The following ABTB2 variants were observed in gnomAD, a reference collection of about 807,000 sequenced individuals.
ABTB2 encodes ankyrin repeat and BTB/POZ domain-containing protein 2.
ABTB2 carries 56 observed loss-of-function variants against 104.1 expected under a neutral mutation model. That is an observed-to-expected ratio of 0.54 (90% confidence interval 0.43 to 0.67). The LOEUF (loss-of-function observed/expected upper bound fraction) is 0.67. Among genes scored for constraint, ABTB2 ranks in the 30% least tolerant of loss-of-function variants. The probability of loss-of-function intolerance (pLI) is 0.00; values close to 1 mark genes in which losing one functional copy is unlikely to be tolerated. For synonymous variants in ABTB2, 606 were observed against 608.2 expected (o/e 1.00, Z 0.05); for missense variants, 1,279 against 1,407.7 (o/e 0.91, Z 1.46).
intron 1 of ABTB2, among the ~76,000 whole-genome samples, chr11:34,316,765 A>G (rs1854936157): frequency 6.6e-6 from 1 of 152,204 alleles, no homozygotes. Context: ...GTTTCCAAGA[A>G]TAAATAAAGC....
At chr11:34,300,910 TTA>T (rs1310031112) in intron 1 of ABTB2, among the ~76,000 whole-genome samples, 1 of 152,218 alleles carries the variant, frequency 6.6e-6, no homozygotes, top group Non-Finnish European at 1.5e-5. Flanking sequence ...TTAACCTTAC[TTA>T]TACATCCATC....
intron 1 of ABTB2, among the ~76,000 whole-genome samples, chr11:34,283,447 C>G (rs1854471394): frequency 6.6e-6 from 1 of 152,128 alleles, no homozygotes; most frequent in South Asian, 2.1e-4. Flanking sequence ...AACTCCTGAC[C>G]TCAAGTGATC....
At chr11:34,307,117 C>A (rs1854787040) in intron 1 of ABTB2, among the ~76,000 whole-genome samples, 1 of 152,058 alleles carries the variant, frequency 6.6e-6, no homozygotes, top group Admixed American at 6.5e-5. Context: ...TCCTGGTATC[C>A]TAAGTCATAA....
Position 34,204,693 on chromosome 11 carries a change from A to G in ABTB2, c.884-3T>C, listed in dbSNP as rs1351564098. 3.7e-6 allele frequency: 6 copies of G among 1,611,092 alleles called. No homozygotes were observed. The highest frequency in any genetic ancestry group is 1.1e-5 in the South Asian group (1 of 90,652). On this transcript the variant is annotated splice_region_variant and splice_polypyrimidine_tract_variant and intron_variant, in intron 1 of 16. Transcript: ENST00000435224. ...GTATGCGGGGAGGGAGAGGACACCT[A>G]TGGGGAAAGAAGGCAGACAGGTCAC...
chr11:34,216,473 G>A (rs531269343), intron 1 of ABTB2, among the ~76,000 whole-genome samples: 2 of 152,250 alleles, frequency 1.3e-5, no homozygotes, highest in African/African-American at 2.4e-5. Flanking sequence ...ATTCAAGGCC[G>A]GGTGCAGTGG....
chr11:34,173,507 C>T (rs1003061930), intron 3 of ABTB2, among the ~76,000 whole-genome samples, 200 bp from the exon 4 acceptor site: 3 of 152,128 alleles, frequency 2.0e-5, no homozygotes, highest in African/African-American at 7.2e-5. Flanking sequence ...CCCTTAAGCA[C>T]ACACATGCTC....
chr11:34,223,197 G>T (rs1397517616), intron 1 of ABTB2, among the ~76,000 whole-genome samples: 4 of 152,126 alleles, frequency 2.6e-5, no homozygotes, highest in Admixed American at 6.5e-5. Context: ...GCCGAGGACC[G>T]AGTGGAAACA....
rs1170622255 is a variant in ABTB2 at position 34,190,596 on chromosome 11, T to TC, written c.1244+6728dup. 7.2e-5 allele frequency among the ~76,000 whole-genome samples: 11 copies of TC among 152,306 alleles called. No homozygotes were observed. In the South Asian group the frequency reaches 2.3e-3, roughly 32 times the overall value. Reference sequence around the variant, plus strand: ...AGTCAAGCACTTAAGACAGTATCTGTCTGTGAATGTGTGCTCTATAACGCT... The same window carrying TC: ...AGTCAAGCACTTAAGACAGTATCTGTCCTGTGAATGTGTGCTCTATAACGCT... On this transcript the variant is annotated intron_variant, in intron 3 of 16. Coordinates refer to ENST00000435224, the MANE Select transcript of ABTB2 (RefSeq NM_145804.3).
At chr11:34,242,831 C>A (rs1248394290) in intron 1 of ABTB2, among the ~76,000 whole-genome samples, 1 of 152,176 alleles carries the variant, frequency 6.6e-6, no homozygotes, top group Non-Finnish European at 1.5e-5. Flanking sequence ...AGGACAGGCA[C>A]AGTCCTTGTC....
intron 10 of ABTB2, 97 bp from the exon 11 acceptor site, chr11:34,161,178 C>G (rs1165383608): frequency 2.3e-6 from 3 of 1,314,492 alleles, no homozygotes; most frequent in Non-Finnish European, 3.1e-6. Context: ...TCGGGATGCC[C>G]CCGCTGTCTG....
intron 1 of ABTB2, among the ~76,000 whole-genome samples, chr11:34,263,041 G>A (rs1257305897): frequency 6.6e-6 from 1 of 152,204 alleles, no homozygotes; most frequent in Non-Finnish European, 1.5e-5. Context: ...TCACAGCCCA[G>A]GGCCCTGATG....
chr11:34,198,390 A>T (rs944427355), intron 2 of ABTB2, among the ~76,000 whole-genome samples: 1 of 151,956 alleles, frequency 6.6e-6, no homozygotes, highest in Non-Finnish European at 1.5e-5. Context: ...GTGCCACCAC[A>T]CTCCAGTCTG....
intron 1 of ABTB2, among the ~76,000 whole-genome samples, chr11:34,260,862 T>C (rs771233907): frequency 2.0e-5 from 3 of 152,036 alleles, no homozygotes; most frequent in Non-Finnish European, 4.4e-5. Flanking sequence ...TCCTGTGGGG[T>C]GTATAGCTTT....
chr11:34,285,772 T>C (rs972093125), intron 1 of ABTB2, among the ~76,000 whole-genome samples: 1 of 152,172 alleles, frequency 6.6e-6, no homozygotes, highest in Admixed American at 6.5e-5. Context: ...CTGACTGCTT[T>C]TTGGGAAGAG....
At chr11:34,307,701 G>GT (rs5790983) in intron 1 of ABTB2, among the ~76,000 whole-genome samples, 1,578 of 140,508 alleles carry the variant, frequency 0.011, 13 homozygotes, top group Non-Finnish European at 0.015. Context: ...GTGACTCTCT[G>GT]TTTTTTTTTT....
chr11:34,308,541 T>C (rs975932853), intron 1 of ABTB2, among the ~76,000 whole-genome samples: 1 of 152,114 alleles, frequency 6.6e-6, no homozygotes, highest in Non-Finnish European at 1.5e-5. Context: ...ATCAAGAACA[T>C]AGTCACATCT....
At chr11:34,209,850 GTGGGGGTGAGGGA>G (rs1853459733) in intron 1 of ABTB2, among the ~76,000 whole-genome samples, 1 of 130,442 alleles carries the variant, frequency 7.7e-6, no homozygotes. Flanking sequence ...TGGGGTGGGG[GTGGGGGTGAGGGA>G]TGGGGGTGAG....
At chr11:34,201,709 G>T (rs1218470957) in intron 2 of ABTB2, among the ~76,000 whole-genome samples, 3 of 152,266 alleles carry the variant, frequency 2.0e-5, no homozygotes, top group Admixed American at 1.3e-4. Context: ...CTCCACCTCT[G>T]TCTCCTCCCT....
At chr11:34,299,705 G>A (rs1281755014) in intron 1 of ABTB2, among the ~76,000 whole-genome samples, 1 of 152,162 alleles carries the variant, frequency 6.6e-6, no homozygotes, top group Admixed American at 6.5e-5. Flanking sequence ...AACTACTCTC[G>A]GGGCCCTCAT....
Sources: allele counts gnomAD v4.1 joint callset (sites outside exome capture counted in the v4.1 genomes callset), GRCh38; gene constraint gnomAD v4.1.1; transcripts MANE v1.5; gene names NCBI Gene and HGNC (gene_info 2026-07-23, HGNC 2026-07-21).